Variants in PCDH9 observed in about 807,000 individuals in gnomAD.
The protein encoded by PCDH9 is protocadherin 9, also known as protocadherin-9.
In PCDH9, 24 loss-of-function variants were observed where a neutral mutation model predicts 70.6. The ratio of observed to expected loss-of-function variants is 0.34; its 90% CI spans 0.25 to 0.48. PCDH9 has a LOEUF of 0.48. Ranked by LOEUF, PCDH9 falls within the 20% of genes least tolerant of loss-of-function variation. The probability of loss-of-function intolerance (pLI) is 0.99; values close to 1 mark genes in which losing one functional copy is unlikely to be tolerated. For missense variants in PCDH9, 1,281 were observed against 1,503.6 expected (o/e 0.85, Z 2.45); for synonymous variants, 562 against 558.5 (o/e 1.01, Z -0.09).
intron 4 of PCDH9, among the ~76,000 whole-genome samples, chr13:66,416,700 G>T (rs1957467202): frequency 6.6e-6 from 1 of 152,112 alleles, no homozygotes; most frequent in Admixed American, 6.6e-5. Context: ...GAGGCAAAAT[G>T]CACTAACAAA....
intron 2 of PCDH9, among the ~76,000 whole-genome samples, chr13:67,166,308 C>T (rs1339278822): frequency 6.6e-6 from 1 of 152,126 alleles, no homozygotes; most frequent in Non-Finnish European, 1.5e-5. Flanking sequence ...TTTTCTCAAC[C>T]TCTGATATGA....
chr13:66,713,621 G>GTCTATATA (rs1415001060), intron 3 of PCDH9, among the ~76,000 whole-genome samples: 2 of 16,918 alleles, frequency 1.2e-4, no homozygotes, highest in South Asian at 6.3e-3. Flanking sequence ...AAGTGTGTGT[G>GTCTATATA]TGTGTATATA....
intron 2 of PCDH9, among the ~76,000 whole-genome samples, chr13:67,074,883 T>TCA (rs2085847060): frequency 6.6e-6 from 1 of 152,114 alleles, no homozygotes; most frequent in African/African-American, 2.4e-5. Flanking sequence ...TATATATTAG[T>TCA]TTATTCTTAC....
At chr13:66,780,286 C>T (rs1208799023) in intron 3 of PCDH9, among the ~76,000 whole-genome samples, 1 of 152,002 alleles carries the variant, frequency 6.6e-6, no homozygotes, top group Non-Finnish European at 1.5e-5. Flanking sequence ...CTATTTTTTG[C>T]CTAATTTTAT....
chr13:66,962,096 A>G (rs2083358632), intron 2 of PCDH9, among the ~76,000 whole-genome samples: 1 of 152,144 alleles, frequency 6.6e-6, no homozygotes, highest in Non-Finnish European at 1.5e-5. Context: ...AAAAAAAAAC[A>G]TAGATATCTT....
intron 4 of PCDH9, among the ~76,000 whole-genome samples, chr13:66,397,105 C>A (rs145854424): frequency 6.6e-6 from 1 of 152,050 alleles, no homozygotes; most frequent in Non-Finnish European, 1.5e-5. Context: ...TGTCTAAAAA[C>A]GGTAACAACA....
At chr13:67,206,522 C>T (rs1188948465) in intron 2 of PCDH9, 1 of 152,100 alleles carries the variant, frequency 6.6e-6, no homozygotes, top group African/African-American at 2.4e-5. Context: ...ATTTGTAAAA[C>T]TGTAGAAAAT....
intron 3 of PCDH9, among the ~76,000 whole-genome samples, chr13:66,752,749 C>T (rs2079480233): frequency 6.6e-6 from 1 of 152,134 alleles, no homozygotes; most frequent in Non-Finnish European, 1.5e-5. Context: ...TGATTTGATA[C>T]AGTAGGAGCA....
chr13:67,089,106 A>G (rs968717804), intron 2 of PCDH9, among the ~76,000 whole-genome samples: 1 of 152,062 alleles, frequency 6.6e-6, no homozygotes, highest in African/African-American at 2.4e-5. Context: ...TAGGAAAGGT[A>G]AAGGTCATTA....
At chr13:66,516,563 A>G (rs1043939370) in intron 4 of PCDH9, among the ~76,000 whole-genome samples, 3 of 152,102 alleles carry the variant, frequency 2.0e-5, no homozygotes, top group East Asian at 1.9e-4. Flanking sequence ...AGCACAGTTT[A>G]TCATTTTTCC....
chr13:67,206,406 T>G (rs1266431829), intron 2 of PCDH9: 1 of 152,080 alleles, frequency 6.6e-6, no homozygotes, highest in Non-Finnish European at 1.5e-5. Flanking sequence ...GCTCATGATC[T>G]GCCCGCCTCC....
intron 4 of PCDH9, among the ~76,000 whole-genome samples, chr13:66,445,825 T>TACAC (rs5804282): frequency 1.3e-4 from 18 of 136,694 alleles, no homozygotes; most frequent in South Asian, 1.1e-3. Context: ...TACACATATA[T>TACAC]ACACACACAC....
At chr13:66,488,898 C>A (rs1958989627) in intron 4 of PCDH9, among the ~76,000 whole-genome samples, 1 of 151,990 alleles carries the variant, frequency 6.6e-6, no homozygotes, top group African/African-American at 2.4e-5. Context: ...ATAGAACAAA[C>A]CAACCTAGAA....
intron 2 of PCDH9, among the ~76,000 whole-genome samples, chr13:67,189,240 A>G (rs1434195120): frequency 1.3e-5 from 2 of 151,334 alleles, no homozygotes; most frequent in African/African-American, 4.9e-5. Flanking sequence ...CTCTCTCACA[A>G]TTTCTTTGTC....
intron 3 of PCDH9, among the ~76,000 whole-genome samples, chr13:66,713,625 G>GTGTATA (rs1379996611): frequency 2.7e-5 from 3 of 109,998 alleles, no homozygotes; most frequent in African/African-American, 1.1e-4. Context: ...GTGTGTGTGT[G>GTGTATA]TATATATATA....
intron 4 of PCDH9, among the ~76,000 whole-genome samples, chr13:66,356,513 T>A (rs1956385131): frequency 6.6e-6 from 1 of 152,104 alleles, no homozygotes; most frequent in African/African-American, 2.4e-5. Flanking sequence ...TCTTTCTCAC[T>A]AGTATTTTCT....
Position 67,225,571 on chromosome 13 carries a change from G to A in PCDH9, c.2870C>T (p.Ser957Phe). The A allele has an allele frequency of 6.8e-6, 11 of 1,614,158 alleles. No individual in the cohort carries two copies. Among genetic ancestry groups the A allele is most frequent in the Non-Finnish European group, 9.3e-6 (11 of 1,180,024 alleles). ...CTGAATCACGTGGTGCTTTTTCACG[G>A]AAACTGGAGTGTCTGGTTTGAGATG... ...AFHLKPDTPVSVKKHHVIQEL... is the reference protein window; with the variant it reads ...AFHLKPDTPVFVKKHHVIQEL... The change falls in exon 2 of 5, where the codon TCC (serine) becomes TTC (phenylalanine). Residue 957 changes from serine to phenylalanine, a missense_variant. Physicochemically the swap from Ser to Phe is radical, Grantham distance 155 (BLOSUM62 -2). Transcript: ENST00000377865.
intron 4 of PCDH9, among the ~76,000 whole-genome samples, chr13:66,476,239 T>A (rs112481404): frequency 4.6e-5 from 7 of 152,114 alleles, no homozygotes; most frequent in Non-Finnish European, 8.8e-5. Flanking sequence ...GTTTGTTCAT[T>A]GTTAGTTACA....
intron 2 of PCDH9, among the ~76,000 whole-genome samples, chr13:67,193,291 A>G (rs2088967456): frequency 6.6e-6 from 1 of 151,728 alleles, no homozygotes; most frequent in Non-Finnish European, 1.5e-5. Context: ...TTCTTGGTCA[A>G]CTGCATATGA....
Sources: gnomAD v4.1 joint callset for allele counts (sites outside exome capture counted in the v4.1 genomes callset) on GRCh38, gnomAD v4.1.1 for gene constraint, MANE v1.5 for transcripts, NCBI Gene and HGNC (gene_info 2026-07-23, HGNC 2026-07-21) for gene names.